Variants in FXR1 observed in about 807,000 individuals in gnomAD.
FXR1 encodes RNA-binding protein FXR1.
A neutral mutation model predicts 84.0 loss-of-function variants in FXR1; 15 were observed. The observed-to-expected ratio is 0.18, with a 90% CI of 0.12 to 0.27. FXR1 has a LOEUF of 0.27. FXR1 is among the 10% of genes least tolerant of loss of function. The pLI is 1.00. For missense variants in FXR1, 480 were observed against 774.4 expected, an observed-to-expected ratio of 0.62 and a Z score of 4.51; for synonymous variants, 245 against 250.7, an observed-to-expected ratio of 0.98 and a Z score of 0.21.
Position 180,953,781 on chromosome 3 carries a change from A to G in FXR1, c.821A>G (p.Lys274Arg). The change falls in exon 9 of 17, where the codon AAG becomes AGG. Residue 274 changes from lysine (K) to arginine (R), a missense_variant. By Grantham distance (26) the Lys-to-Arg change is conservative. Around this residue, in one of 6 missense-constraint regions of FXR1, gnomAD observed 136 missense variants for 315.4 expected, o/e 0.43. Transcript: ENST00000357559. ...IYGESADAVK[K>R]ARGFLEFVED... ...CTACAGAGTGCTGATGCTGTAAAAA[A>G]GGCTAGAGGTTTCTTGGAATTTGTG... 2 of 1,582,736 alleles carry G rather than the reference A, an allele frequency of 1.3e-6. No homozygotes were observed. The highest frequency in any genetic ancestry group is 1.7e-6 in the Non-Finnish European group (2 of 1,152,312).
intron 1 of FXR1, among the ~76,000 whole-genome samples, chr3:180,915,785 T>G (rs1182989315): frequency 1.3e-5 from 2 of 152,218 alleles, no homozygotes; most frequent in Non-Finnish European, 2.9e-5. Context: ...GTTTTTGTAG[T>G]AGAACTGAAA....
At chr3:180,957,952 C>T (rs1341840197) in intron 10 of FXR1, 24 bp downstream of exon 10, 7 of 1,077,852 alleles carry the variant, frequency 6.5e-6, no homozygotes, top group Non-Finnish European at 9.7e-6. Flanking sequence ...ATGTAATCTG[C>T]CTCTTTAAAA....
chr3:180,970,981 A>G (rs2108494243), intron 15 of FXR1: 2 of 255,390 alleles, frequency 7.8e-6, no homozygotes, highest in South Asian at 1.0e-4. Flanking sequence ...TTAAAAGTTT[A>G]TTTTTCCCCT....
intron 13 of FXR1, among the ~76,000 whole-genome samples, chr3:180,964,584 C>A (rs1055847008): frequency 6.6e-6 from 1 of 151,286 alleles, no homozygotes; most frequent in African/African-American, 2.4e-5. Context: ...GTTACTGAAC[C>A]TGAGTGGGCT....
chr3:180,961,902 T>C (rs1349188852), intron 11 of FXR1, among the ~76,000 whole-genome samples: 1 of 152,164 alleles, frequency 6.6e-6, no homozygotes, highest in Non-Finnish European at 1.5e-5. Flanking sequence ...AGCCATTTTG[T>C]TTTTACTTTT....
At chr3:180,947,190 A>G (rs1721787806) in intron 3 of FXR1, among the ~76,000 whole-genome samples, 1 of 152,118 alleles carries the variant, frequency 6.6e-6, no homozygotes, top group South Asian at 2.1e-4. Context: ...ATGAGATTAC[A>G]GGCACCTGCC....
chr3:180,949,080 A>G (rs1157101310), intron 6 of FXR1, 147 bp from the exon 7 acceptor site: 1 of 682,072 alleles, frequency 1.5e-6, no homozygotes, highest in Non-Finnish European at 2.7e-6. Flanking sequence ...TCAGAAAGGA[A>G]AGTGTGATTA....
chr3:180,929,254 T>A (rs941520313), intron 1 of FXR1, among the ~76,000 whole-genome samples: 1 of 152,196 alleles, frequency 6.6e-6, no homozygotes, highest in Non-Finnish European at 1.5e-5. Flanking sequence ...GTTTGTTTTG[T>A]CAGAGTTATG....
At chr3:180,942,750 T>G (rs983430539) in intron 3 of FXR1, among the ~76,000 whole-genome samples, 2 of 152,178 alleles carry the variant, frequency 1.3e-5, no homozygotes, top group Non-Finnish European at 2.9e-5. Flanking sequence ...CGAAATAGTT[T>G]GCAGAGTTAA....
intron 2 of FXR1, 41 bp downstream of exon 2, chr3:180,933,427 G>T: frequency 8.6e-7 from 1 of 1,169,160 alleles, no homozygotes; most frequent in South Asian, 1.2e-5. Context: ...TTTTAGAGAT[G>T]GCAGTGCCAA....
At chr3:180,933,206 C>A in intron 1 of FXR1, 128 bp from the exon 2 acceptor site, 1 of 613,846 alleles carries the variant, frequency 1.6e-6, no homozygotes, top group Non-Finnish European at 2.9e-6. Flanking sequence ...GGAAATCAAA[C>A]TCACATCTGC....
intron 1 of FXR1, among the ~76,000 whole-genome samples, chr3:180,928,356 C>T (rs906725208): frequency 1.3e-5 from 2 of 149,250 alleles, no homozygotes; most frequent in African/African-American, 4.9e-5. Context: ...TTATTGTTCC[C>T]TCCCATCCCA....
At chr3:180,915,326 C>T in intron 1 of FXR1, 1 of 558,432 alleles carries the variant, frequency 1.8e-6, no homozygotes, top group Non-Finnish European at 3.1e-6. Flanking sequence ...AAATTTCCGT[C>T]ATGCCCTTTT....
At chr3:180,942,471 C>T (rs1053755922) in intron 3 of FXR1, among the ~76,000 whole-genome samples, 2 of 141,490 alleles carry the variant, frequency 1.4e-5, no homozygotes, top group Non-Finnish European at 3.1e-5. Context: ...ATTGGAATTA[C>T]ATTTAAATCA....
intron 13 of FXR1, among the ~76,000 whole-genome samples, chr3:180,965,853 A>G (rs955003582): frequency 6.6e-6 from 1 of 152,218 alleles, no homozygotes; most frequent in Non-Finnish European, 1.5e-5. Context: ...TATGATTTAG[A>G]CATTCCCTCT....
intron 1 of FXR1, chr3:180,915,648 T>G (rs1253408531): frequency 1.4e-6 from 1 of 712,792 alleles, no homozygotes. Context: ...TGAATTTCCC[T>G]TTTTTCCCCT....
intron 8 of FXR1, among the ~76,000 whole-genome samples, 177 bp from the exon 9 acceptor site, chr3:180,953,585 T>A (rs1319804865): frequency 1.3e-5 from 2 of 152,362 alleles, no homozygotes; most frequent in South Asian, 2.1e-4. Flanking sequence ...AAAATGATTT[T>A]TTTTTAAGTA....
intron 10 of FXR1, among the ~76,000 whole-genome samples, chr3:180,960,942 G>T (rs1177420735): frequency 6.6e-6 from 1 of 152,082 alleles, no homozygotes; most frequent in East Asian, 1.9e-4. Context: ...GAAAATCTGA[G>T]TATTTCAACT....
intron 1 of FXR1, among the ~76,000 whole-genome samples, chr3:180,928,147 G>A (rs1719450055): frequency 6.8e-6 from 1 of 146,954 alleles, no homozygotes; most frequent in African/African-American, 2.5e-5. Flanking sequence ...TTCTGATGAA[G>A]ACATCCATTT....
Sources: allele counts gnomAD v4.1 joint callset (sites outside exome capture counted in the v4.1 genomes callset), GRCh38; gene constraint gnomAD v4.1.1; regional missense constraint gnomAD v4.1.1; transcripts MANE v1.5; gene names NCBI Gene and HGNC (gene_info 2026-07-23, HGNC 2026-07-21).